ACOXL: variants seen among roughly 807,000 people sequenced by gnomAD.
ACOXL encodes the protein acyl-coenzyme A oxidase-like protein.
ACOXL carries 70 observed loss-of-function variants against 71.9 expected under a neutral mutation model. That is an observed-to-expected ratio of 0.97 (90% CI 0.80 to 1.19). ACOXL has a LOEUF of 1.19. ACOXL is among the 50% of genes most tolerant of loss of function. The pLI is 0.00. For missense variants in ACOXL, 703 were observed against 736.3 expected (o/e 0.95, Z 0.52); for synonymous variants, 253 against 281.6 (o/e 0.90, Z 1.02).
intron 9 of ACOXL, among the ~76,000 whole-genome samples, chr2:110,836,279 C>G (rs1266746473): frequency 6.6e-6 from 1 of 152,212 alleles, no homozygotes. Context: ...GAAGGGGTTA[C>G]AGAAATCTGT....
intron 9 of ACOXL, among the ~76,000 whole-genome samples, chr2:110,811,644 C>T (rs1476312293): frequency 2.6e-5 from 4 of 151,884 alleles, no homozygotes; most frequent in African/African-American, 2.4e-5. Context: ...CCTTTTCAGG[C>T]ACGTTGTATG....
chr2:110,760,758 T>C (rs1465896473), intron 1 of ACOXL, among the ~76,000 whole-genome samples: 1 of 152,208 alleles, frequency 6.6e-6, no homozygotes, highest in East Asian at 1.9e-4. Context: ...CTCAGGGATA[T>C]TCCCATGAGT....
At chr2:110,926,519 G>T (rs1261119459) in intron 11 of ACOXL, among the ~76,000 whole-genome samples, 2 of 152,110 alleles carry the variant, frequency 1.3e-5, no homozygotes, top group East Asian at 1.9e-4. Context: ...CATCGAGAAG[G>T]CTGCTGACAT....
At chr2:111,000,704 C>T (rs2063584260) in intron 14 of ACOXL, among the ~76,000 whole-genome samples, 1 of 152,174 alleles carries the variant, frequency 6.6e-6, no homozygotes, top group South Asian at 2.1e-4. Context: ...CTCCAGGCTC[C>T]CCCTCTGTCA....
chr2:110,788,615 G>A (rs1684274737), intron 3 of ACOXL, among the ~76,000 whole-genome samples: 1 of 152,196 alleles, frequency 6.6e-6, no homozygotes, highest in African/African-American at 2.4e-5. Flanking sequence ...ATGCTTAAAA[G>A]TGGCTAAAAT....
At chr2:111,095,287 A>C (rs1311205508) in intron 17 of ACOXL, among the ~76,000 whole-genome samples, 3 of 151,708 alleles carry the variant, frequency 2.0e-5, no homozygotes, top group African/African-American at 7.3e-5. Flanking sequence ...TTTCAGTGAC[A>C]CAGAATTAGA....
chr2:110,939,893 A>G (rs2060805243), intron 12 of ACOXL, among the ~76,000 whole-genome samples: 1 of 152,206 alleles, frequency 6.6e-6, no homozygotes, highest in South Asian at 2.1e-4. Flanking sequence ...AAAAGATTGG[A>G]CACCCCTAAT....
intron 16 of ACOXL, among the ~76,000 whole-genome samples, chr2:111,053,216 C>T (rs141261426): frequency 5.3e-5 from 8 of 152,318 alleles, no homozygotes; most frequent in African/African-American, 1.9e-4. Context: ...AATGAACCAA[C>T]CTGGCCTTCT....
chr2:111,117,638 T>G lies in ACOXL; in HGVS notation c.1565T>G (p.Val522Gly). 6.4e-7 allele frequency: 1 copy of G among 1,551,738 alleles called. No individual in the cohort carries two copies. The highest frequency in any genetic ancestry group is 8.7e-7 in the Non-Finnish European group (1 of 1,147,008). Residue 522 changes from valine (V) to glycine (G), a missense_variant, in exon 18 of 18, where the codon GTG becomes GGG. Coordinates refer to ENST00000439055, the MANE Select transcript of ACOXL (RefSeq NM_001142807.4). ...CAGTTGCTGGATTTGTGCGACTCGG[T>G]GAAGGATGATGCCCGGAGGGTGATC... ...RNQLLDLCDS[V>G]KDDARRVIST...
At chr2:110,782,247 C>A (rs201200265) in intron 2 of ACOXL, among the ~76,000 whole-genome samples, 2 of 152,094 alleles carry the variant, frequency 1.3e-5, no homozygotes, top group East Asian at 3.8e-4. Context: ...ATTGATTGAT[C>A]ATTATCATCG....
At chr2:110,899,399 AC>A (rs2059139679) in intron 10 of ACOXL, among the ~76,000 whole-genome samples, 1 of 152,094 alleles carries the variant, frequency 6.6e-6, no homozygotes, top group African/African-American at 2.4e-5. Flanking sequence ...CAGACTTGCT[AC>A]CTCCAAGATG....
intron 11 of ACOXL, among the ~76,000 whole-genome samples, chr2:110,923,122 G>A (rs891956531): frequency 6.6e-6 from 1 of 152,168 alleles, no homozygotes; most frequent in Non-Finnish European, 1.5e-5. Context: ...AGGGGAAAGA[G>A]ACTGCCTTCA....
intron 16 of ACOXL, among the ~76,000 whole-genome samples, chr2:111,076,879 C>T (rs945882160): frequency 1.3e-5 from 2 of 152,136 alleles, no homozygotes; most frequent in Non-Finnish European, 2.9e-5. Flanking sequence ...TTCTGGCATT[C>T]CTTGACTGTG....
intron 9 of ACOXL, among the ~76,000 whole-genome samples, chr2:110,819,166 T>C (rs1242855057): frequency 6.6e-6 from 1 of 152,160 alleles, no homozygotes; most frequent in African/African-American, 2.4e-5. Flanking sequence ...AGAGGCATAA[T>C]AGCAAATGTC....
At chr2:111,029,724 G>A (rs2065178921) in intron 14 of ACOXL, among the ~76,000 whole-genome samples, 1 of 152,202 alleles carries the variant, frequency 6.6e-6, no homozygotes, top group South Asian at 2.1e-4. Context: ...CCTCTTGCCA[G>A]CAGGGGTGAG....
chr2:111,020,265 G>A (rs1311166011), intron 14 of ACOXL, among the ~76,000 whole-genome samples: 4 of 152,176 alleles, frequency 2.6e-5, no homozygotes, highest in South Asian at 4.1e-4. Context: ...CAGGCTCCCC[G>A]TGCTGTGCTG....
At chr2:110,828,885 C>T (rs1440967967) in intron 9 of ACOXL, among the ~76,000 whole-genome samples, 1 of 151,950 alleles carries the variant, frequency 6.6e-6, no homozygotes, top group African/African-American at 2.4e-5. Flanking sequence ...AATCTTGGCT[C>T]ACCACAACCT....
At chr2:110,941,177 C>G (rs1221750841) in intron 12 of ACOXL, among the ~76,000 whole-genome samples, 1 of 152,130 alleles carries the variant, frequency 6.6e-6, no homozygotes, top group Admixed American at 6.5e-5. Flanking sequence ...GCTAAATTCT[C>G]TTTATGTGCA....
At chr2:110,803,296 CAG>C (rs1341727363) in intron 8 of ACOXL, among the ~76,000 whole-genome samples, 1 of 152,188 alleles carries the variant, frequency 6.6e-6, no homozygotes, top group Non-Finnish European at 1.5e-5. Context: ...GTAATCAAGA[CAG>C]TGTGGTATTT....
Sources: gnomAD v4.1 joint callset for allele counts (sites outside exome capture counted in the v4.1 genomes callset) on GRCh38, gnomAD v4.1.1 for gene constraint, MANE v1.5 for transcripts, NCBI Gene and HGNC (gene_info 2026-07-23, HGNC 2026-07-21) for gene names.